The following MYOZ2 variants were observed in gnomAD, a reference collection of about 807,000 sequenced individuals.
The protein encoded by MYOZ2 is myozenin 2.
A neutral mutation model predicts 25.4 loss-of-function variants in MYOZ2; 19 were observed. The ratio of observed to expected loss-of-function variants is 0.75; its 90% confidence interval spans 0.52 to 1.10. MYOZ2 has a LOEUF of 1.10. MYOZ2 is among the 50% of genes least tolerant of loss of function. The pLI is 0.00. For synonymous variants in MYOZ2, 92 were observed against 106.9 expected, an observed-to-expected ratio of 0.86 and a Z score of 0.86; for missense variants, 270 against 317.9, an observed-to-expected ratio of 0.85 and a Z score of 1.15.
At chr4:119,170,899 T>C (rs959991369) in intron 5 of MYOZ2, among the ~76,000 whole-genome samples, 50 of 152,058 alleles carry the variant, frequency 3.3e-4, no homozygotes, top group African/African-American at 1.1e-3. Context: ...ATAAAGACAA[T>C]TAAGAAAATC....
chr4:119,160,326 T>C (rs890034470), intron 4 of MYOZ2, among the ~76,000 whole-genome samples: 2 of 152,146 alleles, frequency 1.3e-5, no homozygotes, highest in East Asian at 3.9e-4. Context: ...GAGTTTTTTT[T>C]TTTTTATTAA....
chr4:119,140,731 T>C (rs1741143937), intron 2 of MYOZ2, among the ~76,000 whole-genome samples: 1 of 152,216 alleles, frequency 6.6e-6, no homozygotes, highest in Admixed American at 6.5e-5. Flanking sequence ...GTTTTAGACA[T>C]ACATCCTATA....
chr4:119,156,715 A>G (rs1022032057), intron 3 of MYOZ2, among the ~76,000 whole-genome samples: 2 of 152,138 alleles, frequency 1.3e-5, no homozygotes, highest in Non-Finnish European at 2.9e-5. Context: ...TATAAGTATA[A>G]TTTATTCATG....
chr4:119,147,274 T>C (rs1316781681), intron 2 of MYOZ2, among the ~76,000 whole-genome samples: 1 of 151,356 alleles, frequency 6.6e-6, no homozygotes, highest in Non-Finnish European at 1.5e-5. Flanking sequence ...TTTACATTCC[T>C]GTTTTTTTTT....
At chr4:119,159,326 C>T (rs1019961053) in intron 4 of MYOZ2, among the ~76,000 whole-genome samples, 1 of 152,096 alleles carries the variant, frequency 6.6e-6, no homozygotes, top group African/African-American at 2.4e-5. Context: ...AAATTTACAA[C>T]TGCCTCATGT....
intron 4 of MYOZ2, among the ~76,000 whole-genome samples, chr4:119,161,302 A>G (rs1393370989): frequency 6.6e-6 from 1 of 152,166 alleles, no homozygotes; most frequent in Non-Finnish European, 1.5e-5. Flanking sequence ...AAGAGTACAA[A>G]TGGATTCTTC....
intron 4 of MYOZ2, among the ~76,000 whole-genome samples, 177 bp from the exon 5 acceptor site, chr4:119,164,034 T>C (rs1578738238): frequency 6.6e-6 from 1 of 152,142 alleles, no homozygotes; most frequent in East Asian, 1.9e-4. Context: ...TCCATAAGCT[T>C]ACAGGAGCTC....
chr4:119,139,363 C>T (rs1741109685), intron 2 of MYOZ2, among the ~76,000 whole-genome samples: 1 of 152,132 alleles, frequency 6.6e-6, no homozygotes, highest in African/African-American at 2.4e-5. Flanking sequence ...CTAACAAGTG[C>T]TATTGTAAAA....
Position 119,136,400 on chromosome 4 carries a change from G to A in MYOZ2, c.-14-112G>A, listed in dbSNP as rs78415046. ...GTATTGAAGTCTTTCAGTAGCAAGC[G>A]ATAATAACTTTTTAATAAAGAACAA... On this transcript the variant is annotated intron_variant, in intron 1 of 5. Coordinates refer to ENST00000307128, the MANE Select transcript of MYOZ2 (RefSeq NM_016599.5). 6,067 of 940,774 alleles carry A rather than the reference G, an allele frequency of 6.4e-3. 200 individuals carry two copies. The African/African-American group carries it at 0.074, about 12-fold the overall frequency. The allele number at this position is 940,774 out of a possible 1,614,324, so 58.3% of individuals were successfully genotyped here. A position where few individuals can be genotyped will look rare whatever the true frequency, so the allele number is the denominator to read the frequency against.
intron 2 of MYOZ2, among the ~76,000 whole-genome samples, chr4:119,148,921 T>G (rs934948564): frequency 2.0e-5 from 3 of 152,164 alleles, no homozygotes; most frequent in Admixed American, 1.3e-4. Context: ...TTGATTTTTT[T>G]TTTAATTTTT....
intron 5 of MYOZ2, among the ~76,000 whole-genome samples, chr4:119,176,338 A>C (rs1160974088): frequency 6.6e-6 from 1 of 151,884 alleles, no homozygotes; most frequent in Non-Finnish European, 1.5e-5. Flanking sequence ...CTCCTGCTTC[A>C]GACTCCGGAG....
At chr4:119,158,298 C>T in intron 4 of MYOZ2, 147 bp downstream of exon 4, 2 of 1,091,494 alleles carry the variant, frequency 1.8e-6, no homozygotes, top group Non-Finnish European at 2.6e-6. Context: ...ACGGTGGCTC[C>T]CAATCCCAGC....
At chr4:119,147,181 T>G (rs1456726092) in intron 2 of MYOZ2, among the ~76,000 whole-genome samples, 2 of 152,188 alleles carry the variant, frequency 1.3e-5, no homozygotes, top group African/African-American at 4.8e-5. Flanking sequence ...ATTGATGTAT[T>G]TAGATTATTT....
At chr4:119,175,741 G>A (rs1233985610) in intron 5 of MYOZ2, among the ~76,000 whole-genome samples, 3 of 146,718 alleles carry the variant, frequency 2.0e-5, no homozygotes, top group Non-Finnish European at 4.5e-5. Context: ...GACAGCGTGA[G>A]GCTCCATCTT....
chr4:119,187,146 A>C lies in MYOZ2; in HGVS notation c.*946A>C, dbSNP rs1742311480. 1 of 152,232 alleles carries C rather than the reference A, an allele frequency of 6.6e-6. No individual in the cohort carries two copies. Among genetic ancestry groups the C allele is most frequent in the African/African-American group, 2.4e-5 (1 of 41,464 alleles). 9.4% of individuals were successfully genotyped at this position (152,232 alleles called of 1,614,324 possible). A position where few individuals can be genotyped will look rare whatever the true frequency, so the allele number is the denominator to read the frequency against. On this transcript the variant is annotated 3_prime_UTR_variant, in exon 6 of 6. Coordinates refer to ENST00000307128, the MANE Select transcript of MYOZ2 (RefSeq NM_016599.5). ...TAGGACACAAACAAAAACAAAGGGC[A>C]TGAAAGTATCTGAAAGCAATGTAGC... is the stretch of plus-strand genomic sequence containing the variant.
chr4:119,175,484 G>A (rs937358180), intron 5 of MYOZ2, among the ~76,000 whole-genome samples: 1 of 152,142 alleles, frequency 6.6e-6, no homozygotes, highest in African/African-American at 2.4e-5. Context: ...CAATGGGCCA[G>A]GTGCAGTGGG....
At chr4:119,139,199 T>C (rs934699097) in intron 2 of MYOZ2, among the ~76,000 whole-genome samples, 1 of 152,126 alleles carries the variant, frequency 6.6e-6, no homozygotes, top group African/African-American at 2.4e-5. Context: ...GGCTGCCTGC[T>C]TTTAGATTTA....
intron 5 of MYOZ2, among the ~76,000 whole-genome samples, chr4:119,168,666 TA>T (rs927460796): frequency 2.0e-4 from 29 of 144,944 alleles, no homozygotes; most frequent in African/African-American, 4.5e-4. Flanking sequence ...TGCTGCAATC[TA>T]AAAAAAACAA....
intron 3 of MYOZ2, among the ~76,000 whole-genome samples, chr4:119,151,953 T>C (rs987773546): frequency 4.7e-4 from 72 of 152,296 alleles, no homozygotes; most frequent in African/African-American, 1.7e-3. Context: ...CTAATTTCCC[T>C]GATTTATTTT....
Sources: gnomAD v4.1 joint callset for allele counts (sites outside exome capture counted in the v4.1 genomes callset) on GRCh38, gnomAD v4.1.1 for gene constraint, MANE v1.5 for transcripts, NCBI Gene and HGNC (gene_info 2026-07-23, HGNC 2026-07-21) for gene names.